Variants in IMMP2L observed in about 807,000 individuals in gnomAD.
The protein encoded by IMMP2L is inner mitochondrial membrane peptidase subunit 2.
IMMP2L carries 18 observed loss-of-function variants against 19.3 expected under a neutral mutation model. The observed-to-expected ratio is 0.93, with a 90% confidence interval of 0.64 to 1.38. IMMP2L has a LOEUF of 1.38. Among genes scored for constraint, IMMP2L ranks in the 40% most tolerant of loss-of-function variants. The probability of loss-of-function intolerance (pLI) is 0.00; values close to 1 mark genes in which losing one functional copy is unlikely to be tolerated. For missense variants in IMMP2L, 233 were observed against 218.2 expected, an observed-to-expected ratio of 1.07 and a Z score of -0.43; for synonymous variants, 76 against 73.0, an observed-to-expected ratio of 1.04 and a Z score of -0.21.
intron 3 of IMMP2L, among the ~76,000 whole-genome samples, chr7:111,038,950 T>G (rs1791616005): frequency 6.6e-6 from 1 of 152,272 alleles, no homozygotes; most frequent in East Asian, 1.9e-4. Context: ...ATAAATAAGG[T>G]GATAGAAATA....
At chr7:110,673,479 C>T (rs1372649298) in intron 5 of IMMP2L, among the ~76,000 whole-genome samples, 1 of 152,258 alleles carries the variant, frequency 6.6e-6, no homozygotes, top group Non-Finnish European at 1.5e-5. Flanking sequence ...ATGCAAATTT[C>T]TGCAGCTGGG....
chr7:111,087,799 G>A (rs1026907233), intron 3 of IMMP2L, among the ~76,000 whole-genome samples: 2 of 152,124 alleles, frequency 1.3e-5, no homozygotes. Flanking sequence ...CTTGTTAAAG[G>A]AGGAAAACAA....
intron 3 of IMMP2L, among the ~76,000 whole-genome samples, chr7:111,436,143 G>C (rs1585089656): frequency 6.6e-6 from 1 of 151,674 alleles, no homozygotes; most frequent in Admixed American, 6.6e-5. Flanking sequence ...CATATGTACT[G>C]GGCAGTCCAA....
intron 3 of IMMP2L, among the ~76,000 whole-genome samples, chr7:111,320,765 C>A (rs1824601856): frequency 1.3e-5 from 2 of 152,138 alleles, no homozygotes; most frequent in Admixed American, 1.3e-4. Flanking sequence ...CATTGTTAGA[C>A]TTCTCCAGTT....
intron 1 of IMMP2L, among the ~76,000 whole-genome samples, chr7:111,560,762 G>A (rs184046543): frequency 6.6e-6 from 1 of 152,328 alleles, no homozygotes; most frequent in East Asian, 1.9e-4. Flanking sequence ...TGATAAAAGT[G>A]CGTAGCACAT....
chr7:111,075,972 C>A lies in IMMP2L; in HGVS notation c.240-112407G>T, dbSNP rs1795373733. On this transcript the variant is annotated intron_variant, in intron 3 of 5. Coordinates refer to ENST00000405709, the MANE Select transcript of IMMP2L (RefSeq NM_032549.4). ...CCTCTCCCTTCCACTTGCCAGCTAC[C>A]AGAAAATCAAATGAACTAAATTTCT... 5.9e-5 allele frequency among the ~76,000 whole-genome samples: 9 copies of A among 152,132 alleles called. No homozygotes were observed. In the South Asian group the frequency reaches 1.9e-3, roughly 32 times the overall value.
In IMMP2L at chr7:110,886,673, A is replaced by G; in HGVS notation, c.328T>C (p.Tyr110His). 6 of 1,598,344 alleles carry G rather than the reference A, an allele frequency of 3.8e-6. No homozygotes were observed. The highest frequency in any genetic ancestry group is 5.1e-6 in the Non-Finnish European group (6 of 1,165,960). The change falls in exon 5 of 6, where the codon TAT (tyrosine) becomes CAT (histidine). Residue 110 changes from tyrosine to histidine, a missense_variant. Coordinates refer to ENST00000405709, the MANE Select transcript of IMMP2L (RefSeq NM_032549.4). ...ATGTGACCACGGGGGACTTTGACAT[A>G]CCGGTTTTTGTGTCCTATGGTTCTG... ...IVRTIGHKNRYVKVPRGHIWV... is the reference protein window; with the variant it reads ...IVRTIGHKNRHVKVPRGHIWV...
intron 5 of IMMP2L, among the ~76,000 whole-genome samples, chr7:110,672,135 A>AT (rs1461353923): frequency 6.6e-6 from 1 of 152,158 alleles, no homozygotes; most frequent in Non-Finnish European, 1.5e-5. Context: ...AAGAGGTTTA[A>AT]TTGACTCACA....
chr7:111,480,304 T>A (rs914483105), intron 3 of IMMP2L, among the ~76,000 whole-genome samples: 1 of 151,950 alleles, frequency 6.6e-6, no homozygotes, highest in South Asian at 2.1e-4. Context: ...ATGGTCTCCA[T>A]CTCCTGACCT....
At chr7:110,748,518 C>A (rs950143083) in intron 5 of IMMP2L, among the ~76,000 whole-genome samples, 2 of 152,118 alleles carry the variant, frequency 1.3e-5, no homozygotes, top group Admixed American at 6.6e-5. Context: ...GCTACAGTAA[C>A]AAAAACAGCA....
At chr7:111,323,384 G>GA (rs1371848176) in intron 3 of IMMP2L, among the ~76,000 whole-genome samples, 9 of 152,048 alleles carry the variant, frequency 5.9e-5, no homozygotes, top group Non-Finnish European at 1.0e-4. Context: ...AAAGGCACAT[G>GA]AAAAAATGCT....
intron 5 of IMMP2L, among the ~76,000 whole-genome samples, chr7:110,729,929 AT>A (rs35261835): frequency 0.38 from 56,812 of 148,434 alleles, 12,080 homozygotes; most frequent in East Asian, 0.63. Flanking sequence ...ATAAAAGTTG[AT>A]TTTTTTTTTT....
chr7:110,674,290 G>C (rs939767519), intron 5 of IMMP2L, among the ~76,000 whole-genome samples: 1 of 152,164 alleles, frequency 6.6e-6, no homozygotes, highest in Non-Finnish European at 1.5e-5. Context: ...CTGCCTCCAT[G>C]ATTCAAATAC....
intron 3 of IMMP2L, among the ~76,000 whole-genome samples, chr7:111,277,811 T>G (rs1456210115): frequency 6.6e-6 from 1 of 152,098 alleles, no homozygotes; most frequent in Non-Finnish European, 1.5e-5. Context: ...CTATTCACAA[T>G]AGCAAAGCTA....
chr7:111,151,976 G>A (rs1334824673), intron 3 of IMMP2L, among the ~76,000 whole-genome samples: 1 of 152,118 alleles, frequency 6.6e-6, no homozygotes, highest in East Asian at 1.9e-4. Context: ...TTGAGATTAA[G>A]AGAGTACTGT....
At chr7:111,194,632 CAT>C (rs1164706464) in intron 3 of IMMP2L, among the ~76,000 whole-genome samples, 2 of 152,128 alleles carry the variant, frequency 1.3e-5, no homozygotes, top group African/African-American at 4.8e-5. Flanking sequence ...ATGAATAGTA[CAT>C]ATGTCTTCAC....
intron 5 of IMMP2L, among the ~76,000 whole-genome samples, chr7:110,817,609 C>G (rs1468117474): frequency 1.3e-5 from 2 of 152,046 alleles, no homozygotes; most frequent in Non-Finnish European, 2.9e-5. Flanking sequence ...TTGGAAAAAA[C>G]TACTTTAAAG....
chr7:110,976,771 T>C (rs917998046), intron 3 of IMMP2L, among the ~76,000 whole-genome samples: 2 of 151,966 alleles, frequency 1.3e-5, no homozygotes, highest in African/African-American at 4.8e-5. Context: ...AATGCTCACA[T>C]GAAAATTCTA....
chr7:111,518,651 G>A (rs1054752179), intron 2 of IMMP2L, among the ~76,000 whole-genome samples: 2 of 152,094 alleles, frequency 1.3e-5, no homozygotes, highest in Admixed American at 6.6e-5. Flanking sequence ...TAGCAAAGAT[G>A]TCTTCAAATA....
Sources: allele counts gnomAD v4.1 joint callset (sites outside exome capture counted in the v4.1 genomes callset), GRCh38; gene constraint gnomAD v4.1.1; transcripts MANE v1.5; gene names NCBI Gene and HGNC (gene_info 2026-07-23, HGNC 2026-07-21).